The following NTM variants were observed in gnomAD, a reference collection of about 807,000 sequenced individuals.
The protein encoded by NTM is IgLON family member 2.
NTM carries 13 observed loss-of-function variants against 42.1 expected under a neutral mutation model. The ratio of observed to expected loss-of-function variants is 0.31; its 90% CI spans 0.20 to 0.49. The LOEUF (loss-of-function observed/expected upper bound fraction) is 0.49, where lower values mean the gene tolerates loss of function less well. NTM is among the 20% of genes least tolerant of loss of function. The probability of loss-of-function intolerance (pLI) is 0.99; values close to 1 mark genes in which losing one functional copy is unlikely to be tolerated. For missense variants in NTM, 373 were observed against 452.8 expected, an observed-to-expected ratio of 0.82 and a Z score of 1.60; for synonymous variants, 187 against 179.2, an observed-to-expected ratio of 1.04 and a Z score of -0.35.
intron 2 of NTM, among the ~76,000 whole-genome samples, chr11:132,133,367 G>T (rs1394611834): frequency 1.3e-5 from 2 of 152,176 alleles, no homozygotes; most frequent in Non-Finnish European, 2.9e-5. Context: ...TGTCTTGTTT[G>T]CCTCTGCATT....
intron 1 of NTM, among the ~76,000 whole-genome samples, chr11:131,693,729 T>C (rs1458272822): frequency 6.6e-6 from 1 of 152,228 alleles, no homozygotes; most frequent in Admixed American, 6.5e-5. Context: ...AGCTGGGCAT[T>C]GTGGCTGCAG....
chr11:131,789,918 T>G (rs573711798), intron 1 of NTM, among the ~76,000 whole-genome samples: 1 of 124,000 alleles, frequency 8.1e-6, no homozygotes. Flanking sequence ...ATCGCGCCAC[T>G]GCACTCCAGC....
chr11:132,163,542 T>C (rs1204429275), intron 3 of NTM, among the ~76,000 whole-genome samples: 2 of 152,206 alleles, frequency 1.3e-5, no homozygotes, highest in Non-Finnish European at 2.9e-5. Context: ...TTCCCTTCCT[T>C]TAGAAATGAG....
intron 1 of NTM, among the ~76,000 whole-genome samples, chr11:131,523,844 G>A (rs1591929893): frequency 6.6e-6 from 1 of 150,882 alleles, no homozygotes; most frequent in Non-Finnish European, 1.5e-5. Flanking sequence ...GAGACATTAA[G>A]GTATATCTGG....
chr11:131,715,478 T>C (rs560594209), intron 1 of NTM, among the ~76,000 whole-genome samples: 1 of 152,330 alleles, frequency 6.6e-6, no homozygotes, highest in Non-Finnish European at 1.5e-5. Flanking sequence ...TTTATTGAGG[T>C]ATAACTGATA....
intron 1 of NTM, among the ~76,000 whole-genome samples, chr11:131,556,731 C>A (rs909236172): frequency 1.3e-5 from 2 of 152,058 alleles, no homozygotes; most frequent in African/African-American, 2.4e-5. Flanking sequence ...CCACACCCAG[C>A]TAATTTTTGT....
intron 1 of NTM, among the ~76,000 whole-genome samples, chr11:131,528,003 T>C (rs1026188900): frequency 6.6e-6 from 1 of 152,222 alleles, no homozygotes; most frequent in African/African-American, 2.4e-5. Flanking sequence ...GAAATGCTCA[T>C]TGTGACCCTT....
At chr11:131,983,940 G>A (rs1406178391) in intron 2 of NTM, among the ~76,000 whole-genome samples, 1 of 152,184 alleles carries the variant, frequency 6.6e-6, no homozygotes, top group African/African-American at 2.4e-5. Flanking sequence ...ATTGTTAAAT[G>A]TCATATGGTA....
intron 2 of NTM, among the ~76,000 whole-genome samples, chr11:132,111,887 G>A (rs1175110847): frequency 6.6e-6 from 1 of 152,232 alleles, no homozygotes; most frequent in African/African-American, 2.4e-5. Context: ...TTTCTGGCGA[G>A]GTTGTCAGTG....
intron 1 of NTM, among the ~76,000 whole-genome samples, chr11:131,683,613 A>C (rs2073352126): frequency 6.6e-6 from 1 of 152,200 alleles, no homozygotes; most frequent in South Asian, 2.1e-4. Flanking sequence ...CAATGTATTC[A>C]CACTAAACCT....
At chr11:131,829,692 A>G (rs1202943160) in intron 1 of NTM, among the ~76,000 whole-genome samples, 2 of 152,104 alleles carry the variant, frequency 1.3e-5, no homozygotes, top group African/African-American at 2.4e-5. Flanking sequence ...TTTCTTTTGG[A>G]TTTATAACCA....
intron 1 of NTM, among the ~76,000 whole-genome samples, chr11:131,678,058 T>C (rs1341815565): frequency 6.6e-6 from 1 of 152,200 alleles, no homozygotes; most frequent in Non-Finnish European, 1.5e-5. Context: ...TTTACTGACT[T>C]GATGAAGTGA....
chr11:131,684,007 C>T (rs571088934), intron 1 of NTM, among the ~76,000 whole-genome samples: 1 of 152,314 alleles, frequency 6.6e-6, no homozygotes, highest in South Asian at 2.1e-4. Flanking sequence ...CTTTGGAGTT[C>T]AGCAGAGTTG....
chr11:132,180,895 C>A (rs1474683085), intron 3 of NTM, among the ~76,000 whole-genome samples: 6 of 150,002 alleles, frequency 4.0e-5, no homozygotes, highest in African/African-American at 1.5e-4. Flanking sequence ...GAAGAAGCTT[C>A]AGGAAAAAAA....
intron 1 of NTM, among the ~76,000 whole-genome samples, chr11:131,515,014 T>C (rs1324106116): frequency 6.6e-6 from 1 of 152,114 alleles, no homozygotes; most frequent in Admixed American, 6.5e-5. Context: ...GAACAAGCGA[T>C]CCTCCTGCCT....
At chr11:131,820,492 T>TA (rs1396808742) in intron 1 of NTM, among the ~76,000 whole-genome samples, 2 of 152,198 alleles carry the variant, frequency 1.3e-5, no homozygotes, top group African/African-American at 4.8e-5. Context: ...TTTAGACATA[T>TA]AAAAAAGGAT....
chr11:132,252,932 T>G (rs954239219), intron 4 of NTM, among the ~76,000 whole-genome samples: 4 of 152,228 alleles, frequency 2.6e-5, no homozygotes, highest in African/African-American at 9.6e-5. Context: ...GCCCTTGATC[T>G]AACGAACCCA....
intron 1 of NTM, among the ~76,000 whole-genome samples, chr11:131,832,132 C>CCA (rs375616839): frequency 4.0e-5 from 6 of 150,836 alleles, no homozygotes; most frequent in South Asian, 2.1e-4. Context: ...TCAAAACACG[C>CCA]CACACACACA....
At chr11:131,445,876 G>C (rs551569400) in intron 1 of NTM, among the ~76,000 whole-genome samples, 3 of 152,124 alleles carry the variant, frequency 2.0e-5, no homozygotes, top group Non-Finnish European at 4.4e-5. Context: ...GGAGCATAAC[G>C]GTGCTCATTA....
Sources: allele counts gnomAD v4.1 joint callset (sites outside exome capture counted in the v4.1 genomes callset), GRCh38; gene constraint gnomAD v4.1.1; transcripts MANE v1.5; gene names NCBI Gene and HGNC (gene_info 2026-07-23, HGNC 2026-07-21).